RIMS2: variants seen among roughly 807,000 people sequenced by gnomAD.
RIMS2 encodes regulating synaptic membrane exocytosis protein 2.
Under a neutral mutation model 174.4 loss-of-function variants are expected in RIMS2, and 59 were observed. The ratio of observed to expected loss-of-function variants is 0.34; its 90% CI spans 0.27 to 0.42. The LOEUF is 0.42. Among genes scored for constraint, RIMS2 ranks in the 10% least tolerant of loss-of-function variants. RIMS2 has a pLI of 1.00. For missense variants in RIMS2, 1,620 were observed against 1,666.3 expected (o/e 0.97, Z 0.48); for synonymous variants, 606 against 572.5 (o/e 1.06, Z -0.84).
intron 1 of RIMS2, among the ~76,000 whole-genome samples, chr8:103,692,828 C>T (rs1257912622): frequency 6.6e-6 from 1 of 152,164 alleles, no homozygotes; most frequent in East Asian, 1.9e-4. Flanking sequence ...ATGAGCTCTG[C>T]TACCTGGGGT....
intron 1 of RIMS2, among the ~76,000 whole-genome samples, chr8:103,636,813 C>A (rs1178359092): frequency 1.7e-5 from 2 of 114,912 alleles, no homozygotes; most frequent in Non-Finnish European, 3.4e-5. Flanking sequence ...CACACACACA[C>A]ATACCAATCT....
rs375498138 is a variant in RIMS2 at position 103,983,560 on chromosome 8, A to G, written c.2928-5745A>G. On this transcript the variant is annotated intron_variant, in intron 16 of 23. Transcript: ENST00000504942. ...GCCATAAAAACAGACACGTAGACCA[A>G]TGGAACACAATAGAGAACCCAGAAA... Among the ~76,000 whole-genome samples, 5 of 152,308 alleles carry G rather than the reference A, an allele frequency of 3.3e-5. No homozygotes were observed. In the East Asian group the frequency reaches 7.7e-4, roughly 24 times the overall value.
chr8:103,789,752 T>C (rs1390795414), intron 3 of RIMS2, among the ~76,000 whole-genome samples: 1 of 127,774 alleles, frequency 7.8e-6, no homozygotes, highest in Non-Finnish European at 1.6e-5. Flanking sequence ...TTGTACTCTT[T>C]TTTTTTTTTT....
chr8:103,874,987 T>C (rs911746662), intron 3 of RIMS2, among the ~76,000 whole-genome samples: 3 of 152,040 alleles, frequency 2.0e-5, no homozygotes, highest in Non-Finnish European at 4.4e-5. Context: ...TCTTTTGGTT[T>C]TTTGCTGGCT....
chr8:104,127,694 TACA>T (rs2098442994), intron 19 of RIMS2, among the ~76,000 whole-genome samples: 1 of 151,886 alleles, frequency 6.6e-6, no homozygotes, highest in South Asian at 2.1e-4. Flanking sequence ...GCAAAGCACT[TACA>T]ACAATACCAC....
exon 4 of RIMS2, chr8:103,885,400 T>C (rs1427559766): frequency 6.2e-7 from 1 of 1,612,572 alleles, no homozygotes; most frequent in Non-Finnish European, 8.5e-7. Context: ...CCGCAATGCC[T>C]AGATCTCCAT....
intron 1 of RIMS2, among the ~76,000 whole-genome samples, chr8:103,693,074 A>G (rs1206086772): frequency 1.3e-5 from 2 of 152,100 alleles, no homozygotes; most frequent in African/African-American, 4.8e-5. Flanking sequence ...GTGATGGGCA[A>G]TTCACTTCTG....
intron 17 of RIMS2, among the ~76,000 whole-genome samples, chr8:104,006,628 CT>C (rs2095588443): frequency 3.2e-5 from 1 of 31,412 alleles, no homozygotes; most frequent in African/African-American, 1.7e-4. Context: ...TGATCTATTT[CT>C]CTCTCTCTCT....
chr8:104,148,669 G>C, intron 19 of RIMS2: 2 of 1,598,210 alleles, frequency 1.3e-6, no homozygotes, highest in Non-Finnish European at 1.7e-6. Flanking sequence ...ATGACAAAAA[G>C]CACCAGCATC....
At chr8:104,196,159 A>G (rs562304910) in intron 19 of RIMS2, among the ~76,000 whole-genome samples, 1 of 152,242 alleles carries the variant, frequency 6.6e-6, no homozygotes, top group South Asian at 2.1e-4. Flanking sequence ...CCAATACTCC[A>G]AAAAACACTT....
At position 103,780,920 on chromosome 8, in the gene RIMS2, T is replaced by G. The variant is rs557619333; in HGVS notation, c.698+14383T>G. Among the ~76,000 whole-genome samples the G allele has an allele frequency of 7.2e-5, 11 of 152,336 alleles. No individual in the cohort carries two copies. In the South Asian group the frequency reaches 2.3e-3, roughly 32 times the overall value. ...CTTTTTAGTTTACCTGTTGATTTTT[T>G]TTTTCTAGGTTGCTGCCTTCTTTTT... is the stretch of plus-strand genomic sequence containing the variant. On this transcript the variant is annotated intron_variant, in intron 3 of 23. Transcript: ENST00000504942.
chr8:104,014,223 G>T (rs139253611), intron 18 of RIMS2, among the ~76,000 whole-genome samples: 2 of 152,082 alleles, frequency 1.3e-5, no homozygotes, highest in African/African-American at 4.8e-5. Context: ...TTCTCCTCTT[G>T]CTTTCAATGG....
At chr8:103,602,020 C>T (rs2094774752) in intron 1 of RIMS2, among the ~76,000 whole-genome samples, 1 of 151,794 alleles carries the variant, frequency 6.6e-6, no homozygotes, top group African/African-American at 2.4e-5. Context: ...TCTTATTGCC[C>T]AGGCTGGAGG....
intron 11 of RIMS2, chr8:103,927,900 T>C (rs1279956646): frequency 6.2e-7 from 1 of 1,603,566 alleles, no homozygotes; most frequent in East Asian, 2.2e-5. Flanking sequence ...GTAAAGGCCT[T>C]GTCTGCCTGA....
chr8:103,569,659 A>T lies in RIMS2; in HGVS notation c.176+68597A>T, dbSNP rs13276335. Among the ~76,000 whole-genome samples the T allele has an allele frequency of 1.1e-3, 165 of 151,696 alleles. 1 individual carries two copies. Among genetic ancestry groups the T allele is most frequent in the Middle Eastern group, 3.4e-3 (1 of 294 alleles). The stretch of plus-strand genomic sequence containing the variant: ...GATACAGGGTCTTGCTCTTTTGCTC[A>T]AGCTAGAATATAGTGGTGTTGATTT... On this transcript the variant is annotated intron_variant, in intron 1 of 23. Coordinates refer to ENST00000504942, the Ensembl canonical transcript of RIMS2.
intron 4 of RIMS2, among the ~76,000 whole-genome samples, chr8:103,907,755 GT>G (rs556948859): frequency 6.1e-5 from 9 of 146,426 alleles, no homozygotes; most frequent in South Asian, 2.2e-4. Context: ...TATTTTTTAT[GT>G]TTTTTTTTTG....
intron 19 of RIMS2, among the ~76,000 whole-genome samples, chr8:104,208,100 C>T (rs964632092): frequency 4.6e-5 from 7 of 152,096 alleles, no homozygotes; most frequent in Admixed American, 1.3e-4. Flanking sequence ...CTTCTTCTAA[C>T]AAGTGATTGT....
At chr8:103,568,921 C>T in intron 1 of RIMS2, 2 of 909,566 alleles carry the variant, frequency 2.2e-6, no homozygotes, top group Non-Finnish European at 3.6e-6. Flanking sequence ...ACATCAGTGG[C>T]ATTGCAAAAC....
At chr8:103,582,223 C>T (rs1442566424) in intron 1 of RIMS2, among the ~76,000 whole-genome samples, 1 of 152,000 alleles carries the variant, frequency 6.6e-6, no homozygotes, top group African/African-American at 2.4e-5. Flanking sequence ...GGACTCAGTC[C>T]TGGAAGCATT....
Sources: gnomAD v4.1 joint callset for allele counts (sites outside exome capture counted in the v4.1 genomes callset) on GRCh38, gnomAD v4.1.1 for gene constraint, MANE v1.5 for transcripts, NCBI Gene and HGNC (gene_info 2026-07-23, HGNC 2026-07-21) for gene names.